TRAP1: variants seen among roughly 807,000 people sequenced by gnomAD.
TRAP1 encodes TNF receptor associated protein 1.
A neutral mutation model predicts 89.1 loss-of-function variants in TRAP1; 102 were observed. The observed-to-expected ratio is 1.15, with a 90% CI of 0.98 to 1.35. The LOEUF (loss-of-function observed/expected upper bound fraction) is 1.35, where lower values mean the gene tolerates loss of function less well. TRAP1 is among the 40% of genes most tolerant of loss of function. TRAP1 has a pLI of 0.00. For missense variants in TRAP1, 1,256 were observed against 945.3 expected (o/e 1.33, Z -4.31); for synonymous variants, 508 against 388.0 (o/e 1.31, Z -3.64).
chr16:3,681,532 C>T (rs772163406), intron 4 of TRAP1, among the ~76,000 whole-genome samples: 2 of 152,204 alleles, frequency 1.3e-5, no homozygotes, highest in Non-Finnish European at 2.9e-5. Context: ...CAAGAGGCTT[C>T]TGGGCAATTA....
intron 1 of TRAP1, among the ~76,000 whole-genome samples, chr16:3,706,665 T>C (rs1286093526): frequency 6.6e-6 from 1 of 151,972 alleles, no homozygotes; most frequent in Non-Finnish European, 1.5e-5. Context: ...CTCACTATGT[T>C]GTCCAGGCTG....
chr16:3,698,143 T>C lies in TRAP1; in HGVS notation c.89-7158A>G, dbSNP rs540444597. 2.6e-5 allele frequency among the ~76,000 whole-genome samples: 4 copies of C among 151,914 alleles called. 1 individual carries two copies. Among genetic ancestry groups the C allele is most frequent in the African/African-American group, 9.7e-5 (4 of 41,444 alleles). On this transcript the variant is annotated intron_variant, in intron 1 of 17. Coordinates refer to ENST00000246957, the MANE Select transcript of TRAP1 (RefSeq NM_016292.3). ...TTGAAAGGATTTAATATAATATTCA[T>C]TATGGGAGGAGTATATAGAAGTCCT...
chr16:3,711,313 T>C (rs565040041), intron 1 of TRAP1, among the ~76,000 whole-genome samples: 1 of 151,950 alleles, frequency 6.6e-6, no homozygotes, highest in Non-Finnish European at 1.5e-5. Context: ...AAAAAGCCAA[T>C]GGCAGGGCTG....
At position 3,686,084 on chromosome 16, in the gene TRAP1, C is replaced by A. The variant is rs61758086; in HGVS notation, c.383G>T (p.Arg128Leu). Residue 128 changes from arginine (R) to leucine (L), a missense_variant, in exon 4 of 18, where the codon CGT becomes CTT. Transcript: ENST00000246957. ...SNASDALEKL[R>L]HKLVSDGQAL... ...TTGGCCGTCAGACACCAGTTTGTGA[C>A]GCAGTTTTTCCAAGGCATCGCTGGC... 5 of 1,613,980 alleles carry A rather than the reference C, an allele frequency of 3.1e-6. No individual in the cohort carries two copies. The African/African-American group carries it at 5.3e-5, about 17-fold the overall frequency.
intron 1 of TRAP1, among the ~76,000 whole-genome samples, chr16:3,699,365 C>T (rs545814225): frequency 6.6e-6 from 1 of 152,312 alleles, no homozygotes; most frequent in African/African-American, 2.4e-5. Context: ...TGGCCAGGCG[C>T]AGTGGCTCAC....
chr16:3,677,432 C>T lies in TRAP1; in HGVS notation c.704+66G>A, dbSNP rs2051013357. ...GTACGTTTTCTGAGTCCATCCCTTTCCAAACTCCATGCTAAGGGCTCCAGC... is the reference window on the plus strand; with the variant it reads ...GTACGTTTTCTGAGTCCATCCCTTTTCAAACTCCATGCTAAGGGCTCCAGC... On this transcript the variant is annotated intron_variant, in intron 6 of 17. Transcript: ENST00000246957. The T allele has an allele frequency of 7.5e-5, 120 of 1,602,666 alleles. No individual in the cohort carries two copies. The South Asian group carries it at 1.3e-3, about 17-fold the overall frequency.
At chr16:3,714,769 G>A (rs920225088) in intron 1 of TRAP1, among the ~76,000 whole-genome samples, 13 of 152,316 alleles carry the variant, frequency 8.5e-5, no homozygotes, top group African/African-American at 2.2e-4. Context: ...CTGAGGCAGC[G>A]TAGCATGGGC....
At chr16:3,699,688 G>C (rs966218821) in intron 1 of TRAP1, among the ~76,000 whole-genome samples, 2 of 147,870 alleles carry the variant, frequency 1.4e-5, no homozygotes, top group Non-Finnish European at 3.0e-5. Flanking sequence ...TTCTTTCTTA[G>C]AAAAGAGATT....
Position 3,664,258 on chromosome 16 carries a change from C to G in TRAP1, c.1569+16G>C. ...GTTGCAGCCCCCGGAGCCCGCCCCA[C>G]CCACCGCTCACCCACCTCTGTGTCT... On this transcript the variant is annotated intron_variant, in intron 13 of 17. Coordinates refer to ENST00000246957, the MANE Select transcript of TRAP1 (RefSeq NM_016292.3). 1.3e-6 allele frequency: 2 copies of G among 1,557,490 alleles called. No individual in the cohort carries two copies. The highest frequency in any genetic ancestry group is 1.7e-6 in the Non-Finnish European group (2 of 1,152,958).
At chr16:3,671,661 C>T in intron 11 of TRAP1, 61 bp downstream of exon 11, 7 of 1,573,402 alleles carry the variant, frequency 4.4e-6, no homozygotes, top group Non-Finnish European at 6.1e-6. Flanking sequence ...CCTCTGGGGG[C>T]AAAGGAGCAG....
intron 16 of TRAP1, chr16:3,659,584 TATA>T (rs2042945719): frequency 6.6e-6 from 1 of 152,180 alleles, no homozygotes; most frequent in Non-Finnish European, 1.5e-5. Flanking sequence ...ACATGAATAT[TATA>T]ATTTTTCACT....
At chr16:3,715,087 T>C (rs2051580235) in intron 1 of TRAP1, among the ~76,000 whole-genome samples, 1 of 152,196 alleles carries the variant, frequency 6.6e-6, no homozygotes, top group African/African-American at 2.4e-5. Flanking sequence ...GGCAGAGGAA[T>C]GCTTGAACCA....
intron 1 of TRAP1, among the ~76,000 whole-genome samples, chr16:3,696,799 T>A (rs1445681548): frequency 6.6e-6 from 1 of 151,688 alleles, no homozygotes; most frequent in African/African-American, 2.4e-5. Flanking sequence ...TGATCTTGGC[T>A]CACAGCAGCC....
chr16:3,658,708 G>A (rs2151230737), intron 17 of TRAP1, 85 bp downstream of exon 17: 1 of 1,284,536 alleles, frequency 7.8e-7, no homozygotes, highest in East Asian at 2.5e-5. Context: ...CAGGATTTTA[G>A]AGGAAACCGC....
At chr16:3,675,480 C>T in intron 7 of TRAP1, 83 bp from the exon 8 acceptor site, 4 of 1,390,510 alleles carry the variant, frequency 2.9e-6, no homozygotes, top group Non-Finnish European at 4.1e-6. Context: ...GGATGAGCGC[C>T]AGCCTGCTGG....
At chr16:3,693,936 T>C (rs1434171679) in intron 1 of TRAP1, among the ~76,000 whole-genome samples, 1 of 150,004 alleles carries the variant, frequency 6.7e-6, no homozygotes, top group East Asian at 2.0e-4. Context: ...GAGGCTGTAG[T>C]GAGCCAAGAT....
rs745429831 is a variant in TRAP1 at position 3,663,458 on chromosome 16, G to A, written c.1674C>T (p.His558=). Residue 558 remains histidine, a synonymous_variant, in exon 14 of 18, where the codon CAC becomes CAT. Coordinates refer to ENST00000246957, the MANE Select transcript of TRAP1 (RefSeq NM_016292.3). The part of the protein sequence containing the change: ...ISVETDIVVD[H]YKEEKFEDRS... ...TGTCCTCAAACTTCTCCTCCTTGTA[G>A]TGATCCACGACTATGTCCGTCTCCA... 5 of 1,614,180 alleles carry A rather than the reference G, an allele frequency of 3.1e-6. No individual in the cohort carries two copies. Among genetic ancestry groups the A allele is most frequent in the Middle Eastern group, 1.6e-4 (1 of 6,062 alleles).
chr16:3,692,609 T>G (rs1250004376), intron 1 of TRAP1, among the ~76,000 whole-genome samples: 42 of 123,434 alleles, frequency 3.4e-4, no homozygotes, highest in South Asian at 8.4e-4. Flanking sequence ...TTTTTTTTTT[T>G]TTTTTTGAGA....
chr16:3,658,040 G>A lies in TRAP1; in HGVS notation c.*89C>T, dbSNP rs1170478657. On this transcript the variant is annotated 3_prime_UTR_variant, in exon 18 of 18. Coordinates refer to ENST00000246957, the MANE Select transcript of TRAP1 (RefSeq NM_016292.3). ...AGAAAAAAAGCCCAACACACACTCG[G>A]GTTAAGAAATACCTTTAAATTTAGG... 3.7e-6 allele frequency: 6 copies of A among 1,607,962 alleles called. No homozygotes were observed. Among genetic ancestry groups the A allele is most frequent in the Non-Finnish European group, 5.1e-6 (6 of 1,176,390 alleles).
Sources: allele counts gnomAD v4.1 joint callset (sites outside exome capture counted in the v4.1 genomes callset), GRCh38; gene constraint gnomAD v4.1.1; transcripts MANE v1.5; gene names NCBI Gene and HGNC (gene_info 2026-07-23, HGNC 2026-07-21).